The following DOCK10 variants were observed in gnomAD, a reference collection of about 807,000 sequenced individuals.
DOCK10 encodes dedicator of cytokinesis protein 10.
Under a neutral mutation model 280.1 loss-of-function variants are expected in DOCK10, and 145 were observed. The observed-to-expected ratio is 0.52, with a 90% CI of 0.45 to 0.59. DOCK10 has a LOEUF of 0.59. Among genes scored for constraint, DOCK10 ranks in the 20% least tolerant of loss-of-function variants. The probability of loss-of-function intolerance (pLI) is 0.00; values close to 1 mark genes in which losing one functional copy is unlikely to be tolerated. For missense variants in DOCK10, 2,368 were observed against 2,651.7 expected, an observed-to-expected ratio of 0.89 and a Z score of 2.35; for synonymous variants, 915 against 942.2, an observed-to-expected ratio of 0.97 and a Z score of 0.53.
intron 2 of DOCK10, among the ~76,000 whole-genome samples, chr2:224,921,112 A>AAAAAAAATATATATATATATATATATAT: frequency 3.7e-5 from 2 of 54,408 alleles, no homozygotes; most frequent in Non-Finnish European, 5.9e-5. Context: ...AAAAAAAAAA[A>AAAAAAAATATATATATATATATATATAT]ATATATATAT....
In DOCK10 at chr2:224,919,969, A is replaced by G. The variant is rs1443653275; in HGVS notation, c.244-3185T>C. 2.6e-5 allele frequency among the ~76,000 whole-genome samples: 4 copies of G among 152,292 alleles called. No homozygotes were observed. In the East Asian group the frequency reaches 7.7e-4, roughly 29 times the overall value. On this transcript the variant is annotated intron_variant, in intron 2 of 55. Coordinates refer to ENST00000258390, the MANE Select transcript of DOCK10 (RefSeq NM_014689.3). ...GTGGCTACCAATTCAAACCAGGCAT[A>G]GGTGCAGGGAGCAAGCATAGTGCCA... is the stretch of plus-strand genomic sequence containing the variant.
chr2:224,937,594 A>T (rs1702761217), intron 1 of DOCK10, among the ~76,000 whole-genome samples: 1 of 152,108 alleles, frequency 6.6e-6, no homozygotes, highest in Non-Finnish European at 1.5e-5. Flanking sequence ...CTCAAATAAA[A>T]AAAGGACAGC....
intron 18 of DOCK10, among the ~76,000 whole-genome samples, chr2:224,850,360 G>A (rs1696651275): frequency 6.6e-6 from 1 of 152,052 alleles, no homozygotes; most frequent in Non-Finnish European, 1.5e-5. Flanking sequence ...CACTGTTGAA[G>A]AAGTTATGAA....
At chr2:224,870,742 G>A (rs188234257) in intron 11 of DOCK10, among the ~76,000 whole-genome samples, 92 of 139,970 alleles carry the variant, frequency 6.6e-4, no homozygotes, top group African/African-American at 2.3e-3. Flanking sequence ...TTTAGATCCC[G>A]CCCCTCTCCC....
chr2:224,854,317 A>C (rs1410049473), intron 16 of DOCK10, among the ~76,000 whole-genome samples: 1 of 152,042 alleles, frequency 6.6e-6, no homozygotes, highest in African/African-American at 2.4e-5. Context: ...AAATTCTGAA[A>C]CTCTTTTATA....
At chr2:224,897,026 T>G (rs1286420293) in intron 3 of DOCK10, among the ~76,000 whole-genome samples, 1 of 152,222 alleles carries the variant, frequency 6.6e-6, no homozygotes, top group East Asian at 1.9e-4. Flanking sequence ...TCAGCTTCCT[T>G]TGGCAAGCCC....
chr2:224,879,779 A>C (rs13424581), intron 7 of DOCK10, among the ~76,000 whole-genome samples: 19,097 of 152,120 alleles, frequency 0.13, 1,595 homozygotes, highest in African/African-American at 0.23. Flanking sequence ...AAAAAATTAA[A>C]AAAGAAAGAA....
intron 1 of DOCK10, among the ~76,000 whole-genome samples, chr2:224,973,789 A>C (rs1163533871): frequency 6.6e-6 from 1 of 152,150 alleles, no homozygotes; most frequent in Non-Finnish European, 1.5e-5. Flanking sequence ...ACAGAATTTA[A>C]ATAGCTGACC....
chr2:224,960,801 G>A (rs951355445), intron 1 of DOCK10, among the ~76,000 whole-genome samples: 7 of 140,390 alleles, frequency 5.0e-5, no homozygotes, highest in Non-Finnish European at 9.1e-5. Flanking sequence ...GTGCAGTGGC[G>A]CTATCTCGAC....
At chr2:224,947,493 CAAG>C (rs921565342) in intron 1 of DOCK10, among the ~76,000 whole-genome samples, 3 of 152,104 alleles carry the variant, frequency 2.0e-5, no homozygotes, top group African/African-American at 7.2e-5. Context: ...GTTTAGAGAA[CAAG>C]AAGAAGATAT....
Position 224,765,560 on chromosome 2 carries a change from T to C in DOCK10, c.*161A>G. ...TCAAAGAAAAAAAAATTATACAAAA[T>C]GTGCAAATTCAGAGGTTGGCAAAAT... is the stretch of plus-strand genomic sequence containing the variant. On this transcript the variant is annotated 3_prime_UTR_variant, in exon 56 of 56. Transcript: ENST00000258390. 1 of 560,836 alleles carries C rather than the reference T, an allele frequency of 1.8e-6. No homozygotes were observed. The highest frequency in any genetic ancestry group is 3.2e-6 in the Non-Finnish European group (1 of 316,504). The allele number at this position is 560,836 out of a possible 1,614,324, so 34.7% of individuals were successfully genotyped here. A position where few individuals can be genotyped will look rare whatever the true frequency, so the allele number is the denominator to read the frequency against.
chr2:224,903,659 T>C (rs1700436693), intron 3 of DOCK10, among the ~76,000 whole-genome samples: 1 of 152,206 alleles, frequency 6.6e-6, no homozygotes, highest in African/African-American at 2.4e-5. Context: ...ATGTAAGGCA[T>C]AAAAACTGGG....
chr2:224,940,691 C>T (rs1702994604), intron 1 of DOCK10, among the ~76,000 whole-genome samples: 1 of 152,184 alleles, frequency 6.6e-6, no homozygotes, highest in Admixed American at 6.5e-5. Flanking sequence ...CCATCACTCT[C>T]CTATGACAGC....
chr2:224,773,123 A>G, intron 53 of DOCK10, 34 bp downstream of exon 53: 3 of 1,545,684 alleles, frequency 1.9e-6, no homozygotes, highest in Admixed American at 1.8e-5. Context: ...TTCATTGGCC[A>G]TGTGCATCTC....
chr2:224,787,594 C>T (rs1366439621), intron 48 of DOCK10, among the ~76,000 whole-genome samples, 197 bp from the exon 49 acceptor site: 2 of 152,184 alleles, frequency 1.3e-5, no homozygotes, highest in African/African-American at 4.8e-5. Flanking sequence ...CCCAAAAGTG[C>T]TAATTTAAAT....
At chr2:225,017,777 C>G (rs1354413597) in intron 1 of DOCK10, among the ~76,000 whole-genome samples, 5 of 150,974 alleles carry the variant, frequency 3.3e-5, no homozygotes, top group Non-Finnish European at 7.4e-5. Context: ...CCTTTTAGAT[C>G]TCCACTAACG....
intron 2 of DOCK10, among the ~76,000 whole-genome samples, chr2:224,917,559 G>C (rs1701407455): frequency 6.6e-6 from 1 of 151,964 alleles, no homozygotes; most frequent in South Asian, 2.1e-4. Context: ...TTGTAGTTAG[G>C]GGTGGGAAGG....
chr2:224,876,240 G>A lies in DOCK10; in HGVS notation c.748-19C>T. 4 of 1,562,964 alleles carry A rather than the reference G, an allele frequency of 2.6e-6. No individual in the cohort carries two copies. Among genetic ancestry groups the A allele is most frequent in the Admixed American group, 1.9e-5 (1 of 51,426 alleles). On this transcript the variant is annotated intron_variant, in intron 7 of 55. Coordinates refer to ENST00000258390, the MANE Select transcript of DOCK10 (RefSeq NM_014689.3). ...TGTTATTCTGTGGTATAAAAAGAAA[G>A]AAAGAAAAAGAGAATACCAAAAAAT...
At chr2:224,997,662 G>A (rs1369140695) in intron 1 of DOCK10, among the ~76,000 whole-genome samples, 3 of 152,070 alleles carry the variant, frequency 2.0e-5, no homozygotes, top group Non-Finnish European at 4.4e-5. Context: ...GATGGAGGGC[G>A]GGAGGAGAGG....
Sources: gnomAD v4.1 joint callset for allele counts (sites outside exome capture counted in the v4.1 genomes callset) on GRCh38, gnomAD v4.1.1 for gene constraint, MANE v1.5 for transcripts, NCBI Gene and HGNC (gene_info 2026-07-23, HGNC 2026-07-21) for gene names.